TAF1: variants seen among roughly 807,000 people sequenced by gnomAD.
TAF1 encodes the protein transcription initiation factor TFIID subunit 1.
A neutral mutation model predicts 138.5 loss-of-function variants in TAF1; 2 were observed. The observed-to-expected ratio is 0.01, with a 90% CI of 0.01 to 0.05. TAF1 has a LOEUF of 0.05. Among genes scored for constraint, TAF1 ranks in the 10% least tolerant of loss-of-function variants. The probability of loss-of-function intolerance (pLI) is 1.00; values close to 1 mark genes in which losing one functional copy is unlikely to be tolerated. For synonymous variants in TAF1, 437 were observed against 503.2 expected, an observed-to-expected ratio of 0.87 and a Z score of 1.76; for missense variants, 709 against 1,478.0, an observed-to-expected ratio of 0.48 and a Z score of 8.53.
chrX:71,422,600 C>T (rs939976308), intron 29 of TAF1, among the ~76,000 whole-genome samples: 59 of 109,758 alleles, frequency 5.4e-4, no homozygotes, highest in Non-Finnish European at 1.0e-3. Flanking sequence ...GCTGGGATTA[C>T]AGGTGTGAGC....
In TAF1 at chrX:71,518,941, C is replaced by T. The variant is rs184760555; in HGVS notation, c.1367-9601C>T. 7.5e-5 allele frequency among the ~76,000 whole-genome samples: 8 copies of T among 107,188 alleles called. No individual in the cohort carries two copies. In the East Asian group the frequency reaches 1.2e-3, roughly 16 times the overall value. 93.1% of individuals were successfully genotyped at this position (107,188 alleles called of 115,157 possible). The stretch of plus-strand genomic sequence containing the variant: ...CGAACTCCTGACCTCGTGATCTGCC[C>T]GCCTCAGCCTCCCAAAATGCTGGGA... On this transcript the variant is annotated intron_variant and NMD_transcript_variant, in intron 13 of 14. Transcript: ENST00000373775.
intron 13 of TAF1, among the ~76,000 whole-genome samples, chrX:71,514,831 G>A (rs1261722699): frequency 2.7e-5 from 3 of 111,727 alleles, no homozygotes; most frequent in Non-Finnish European, 3.8e-5. Context: ...GGATGGAGGG[G>A]ATGGCCATTC....
At chrX:71,374,428 A>G (rs1379791129) in intron 3 of TAF1, among the ~76,000 whole-genome samples, 1 of 111,524 alleles carries the variant, frequency 9.0e-6, no homozygotes, top group East Asian at 2.8e-4. Context: ...TTGCACCGTG[A>G]TGTCATCTCT....
intron 6 of TAF1, 62 bp from the exon 7 acceptor site, chrX:71,378,173 A>G (rs1380092561): frequency 1.1e-5 from 12 of 1,116,672 alleles, no homozygotes; most frequent in South Asian, 3.8e-5. Flanking sequence ...TTAACTCTCT[A>G]TAGCCTTAGG....
At chrX:71,499,435 T>A (rs1166663305) in intron 13 of TAF1, among the ~76,000 whole-genome samples, 1 of 112,398 alleles carries the variant, frequency 8.9e-6, no homozygotes, top group Non-Finnish European at 1.9e-5. Flanking sequence ...TGCAGCTGAT[T>A]GGGTAATAAA....
chrX:71,404,945 T>G (rs182705894), intron 25 of TAF1, among the ~76,000 whole-genome samples: 2,333 of 104,921 alleles, frequency 0.022, 24 homozygotes, highest in Middle Eastern at 0.034. Flanking sequence ...GTTAGGTTAT[T>G]CCAAACTTTT....
chrX:71,460,967 C>T (rs2038527521), intron 37 of TAF1, 164 bp downstream of exon 37: 2 of 667,732 alleles, frequency 3.0e-6, no homozygotes, highest in Non-Finnish European at 2.3e-6. Flanking sequence ...CAAAACATAT[C>T]CTGCCCTTGA....
intron 13 of TAF1, among the ~76,000 whole-genome samples, chrX:71,511,636 G>A (rs899207199): frequency 8.9e-6 from 1 of 112,280 alleles, no homozygotes; most frequent in African/African-American, 3.2e-5. Flanking sequence ...GTTTCCAACA[G>A]TTCTCATCGT....
Position 71,387,254 on chromosome X carries a change from T to C in TAF1, c.2227-7T>C. 1 of 1,211,669 alleles carries C rather than the reference T, an allele frequency of 8.3e-7. No homozygotes were observed. The highest frequency in any genetic ancestry group is 1.8e-5 in the South Asian group (1 of 56,976). On this transcript the variant is annotated splice_polypyrimidine_tract_variant and splice_region_variant and intron_variant, in intron 14 of 37. Coordinates refer to ENST00000423759, the MANE Select transcript of TAF1 (RefSeq NM_004606.5). ...GTATATAATTTTTGTGTTTTTACTT[T>C]TGTTAGGCATTTGAGAACAACCTTT...
At chrX:71,503,277 A>ATATATATATATATATATGTGT (rs1556030877) in intron 13 of TAF1, among the ~76,000 whole-genome samples, 2 of 90,169 alleles carry the variant, frequency 2.2e-5, no homozygotes, top group African/African-American at 4.5e-5. Context: ...TCAAAAAAAA[A>ATATATATATATATATATGTGT]ATATATATAT....
chrX:71,381,263 TTTTA>T (rs759522120), intron 8 of TAF1, among the ~76,000 whole-genome samples: 2 of 111,958 alleles, frequency 1.8e-5, no homozygotes, highest in South Asian at 3.6e-4. Context: ...GCAACATTAT[TTTTA>T]TTTATTTATT....
intron 13 of TAF1, among the ~76,000 whole-genome samples, chrX:71,495,179 C>T (rs1461109042): frequency 1.8e-5 from 2 of 111,776 alleles, no homozygotes; most frequent in East Asian, 5.7e-4. Context: ...AAGAAGGGGC[C>T]CTGCAGTTGT....
At chrX:71,446,626 G>T (rs2037708417) in intron 32 of TAF1, among the ~76,000 whole-genome samples, 1 of 112,048 alleles carries the variant, frequency 8.9e-6, no homozygotes, top group African/African-American at 3.2e-5. Context: ...AGATAATGAG[G>T]ATATATTTTT....
At position 71,407,680 on chromosome X, in the gene TAF1, C is replaced by G. The variant is rs745537227; in HGVS notation, c.4206+8C>G. On this transcript the variant is annotated splice_region_variant and intron_variant, in intron 27 of 37. Transcript: ENST00000423759. ...ATGAGAGATCTTCCAAATGTGAGTT[C>G]ATTGCATTGGATATCTATAGTAGGG... 5 of 1,195,524 alleles carry G rather than the reference C, an allele frequency of 4.2e-6. No homozygotes were observed. Among genetic ancestry groups the G allele is most frequent in the Non-Finnish European group, 5.7e-6 (5 of 880,742 alleles).
intron 13 of TAF1, among the ~76,000 whole-genome samples, chrX:71,501,763 G>A (rs755464528): frequency 3.6e-5 from 4 of 111,863 alleles, no homozygotes; most frequent in Non-Finnish European, 5.6e-5. Flanking sequence ...TGACACCCAT[G>A]TCTTTAGTCC....
At chrX:71,499,011 A>T (rs1238280576) in intron 13 of TAF1, among the ~76,000 whole-genome samples, 2 of 111,681 alleles carry the variant, frequency 1.8e-5, no homozygotes, top group Non-Finnish European at 3.8e-5. Flanking sequence ...GAGGGTGATG[A>T]CATGAGCTGG....
intron 34 of TAF1, among the ~76,000 whole-genome samples, chrX:71,456,319 C>T (rs902940518): frequency 8.9e-6 from 1 of 112,052 alleles, no homozygotes; most frequent in African/African-American, 3.2e-5. Flanking sequence ...CTATTTCTCT[C>T]TTGAGCATTA....
intron 13 of TAF1, among the ~76,000 whole-genome samples, chrX:71,500,319 T>G (rs778894013): frequency 1.3e-3 from 148 of 111,494 alleles, no homozygotes; most frequent in South Asian, 4.6e-3. Flanking sequence ...AATTTATACT[T>G]CCCTCAGGTG....
At chrX:71,479,470 G>T (rs2039035967) in intron 13 of TAF1, among the ~76,000 whole-genome samples, 1 of 111,629 alleles carries the variant, frequency 9.0e-6, no homozygotes, top group African/African-American at 3.3e-5. Context: ...TACTTGGGAG[G>T]CTGAGACAGG....
Sources: allele counts gnomAD v4.1 joint callset (sites outside exome capture counted in the v4.1 genomes callset), GRCh38; gene constraint gnomAD v4.1.1; transcripts MANE v1.5; gene names NCBI Gene and HGNC (gene_info 2026-07-23, HGNC 2026-07-21).